The following ANKRD26 variants were observed in gnomAD, a reference collection of about 807,000 sequenced individuals.
ANKRD26 encodes the protein ankyrin repeat domain 26.
In ANKRD26, 141 loss-of-function variants were observed where a neutral mutation model predicts 208.7. The ratio of observed to expected loss-of-function variants is 0.68; its 90% confidence interval spans 0.59 to 0.78. The LOEUF is 0.78. Ranked by LOEUF, ANKRD26 falls within the 30% of genes least tolerant of loss-of-function variation. The probability of loss-of-function intolerance (pLI) is 0.00; values close to 1 mark genes in which losing one functional copy is unlikely to be tolerated. For synonymous variants in ANKRD26, 636 were observed against 660.4 expected (o/e 0.96, Z 0.57); for missense variants, 1,889 against 1,938.7 (o/e 0.97, Z 0.48).
chr10:27,087,836 A>G (rs1206187061), intron 4 of ANKRD26, among the ~76,000 whole-genome samples: 3 of 152,174 alleles, frequency 2.0e-5, no homozygotes, highest in African/African-American at 7.2e-5. Flanking sequence ...GATGGAGTGC[A>G]GTGGCATGGT....
At position 27,022,674 on chromosome 10, in the gene ANKRD26, A is replaced by G; in HGVS notation, c.4099T>C (p.Leu1367=). The G allele has an allele frequency of 6.3e-7, 1 of 1,585,894 alleles. No homozygotes were observed. The highest frequency in any genetic ancestry group is 8.6e-7 in the Non-Finnish European group (1 of 1,160,060). ...EREITGFKNL[L]KMTRKKLNEY... ...TTTAACTTCTTTCTTGTCATTTTTAAGAGGTTCTTAAATCTGCAGGAAGGT... is the reference window on the plus strand; with the variant it reads ...TTTAACTTCTTTCTTGTCATTTTTAGGAGGTTCTTAAATCTGCAGGAAGGT... Residue 1367 remains leucine (L), a synonymous_variant, in exon 29 of 34, where the codon TTA becomes CTA. Coordinates refer to ENST00000376087, the MANE Select transcript of ANKRD26 (RefSeq NM_014915.3).
intron 20 of ANKRD26, 136 bp downstream of exon 20, chr10:27,043,290 C>A: frequency 1.1e-6 from 1 of 941,774 alleles, no homozygotes; most frequent in Non-Finnish European, 1.7e-6. Context: ...AAGAACTCTT[C>A]AGCTTTGCAC....
At chr10:26,978,459 AAAT>A (rs1048177749) in intron 5 of ANKRD26, among the ~76,000 whole-genome samples, 2 of 152,152 alleles carry the variant, frequency 1.3e-5, no homozygotes, top group Non-Finnish European at 2.9e-5. Flanking sequence ...CTATCTCAAA[AAAT>A]AATAATAAAA....
At chr10:26,952,670 T>C in the ANKRD26 span, among the ~76,000 whole-genome samples, 2 of 152,240 alleles carry the variant, frequency 1.3e-5, no homozygotes, top group African/African-American at 4.8e-5. Context: ...GCTGTAGTAT[T>C]GCAAGGCTAA....
chr10:27,066,953 C>T (rs1015413954), intron 10 of ANKRD26, among the ~76,000 whole-genome samples: 8 of 151,756 alleles, frequency 5.3e-5, no homozygotes, highest in Non-Finnish European at 1.0e-4. Context: ...ATTATAGGCA[C>T]GCACCACCAC....
chr10:27,063,265 C>T (rs1274289396), intron 12 of ANKRD26, among the ~76,000 whole-genome samples: 1 of 152,018 alleles, frequency 6.6e-6, no homozygotes, highest in Non-Finnish European at 1.5e-5. Context: ...TTAAACTCTT[C>T]CTACCTTTCT....
At chr10:26,966,554 A>G in the ANKRD26 span, among the ~76,000 whole-genome samples, 9 of 152,206 alleles carry the variant, frequency 5.9e-5, no homozygotes, top group Non-Finnish European at 1.5e-5. Context: ...GCACACGTAT[A>G]CCTATGTAAC....
At chr10:27,030,322 C>T (rs778324613) in intron 25 of ANKRD26, 13 of 919,850 alleles carry the variant, frequency 1.4e-5, no homozygotes, top group Non-Finnish European at 1.7e-5. Context: ...ATTACTTTCT[C>T]TCTGCTTTAC....
downstream of ANKRD26, among the ~76,000 whole-genome samples, chr10:26,971,964 A>G (rs113259809): frequency 5.2e-3 from 790 of 151,974 alleles, 6 homozygotes; most frequent in African/African-American, 0.013. Flanking sequence ...GGCCGGGCGC[A>G]GTGGCTCACG....
chr10:27,010,065 A>G (rs565086012), intron 32 of ANKRD26, among the ~76,000 whole-genome samples: 7 of 151,894 alleles, frequency 4.6e-5, no homozygotes, highest in African/African-American at 1.7e-4. Context: ...CAGAGCCCCT[A>G]CCTGTCCTTT....
At position 27,096,569 on chromosome 10, in the gene ANKRD26, A is replaced by T. The variant is rs181367679; in HGVS notation, c.243-2770T>A. On this transcript the variant is annotated intron_variant, in intron 1 of 33. Coordinates refer to ENST00000376087, the MANE Select transcript of ANKRD26 (RefSeq NM_014915.3). ...ACCTGAGGTCAGGAGTTTGAGACCA[A>T]CTTGGCCAACGTGGTGAAACCCCGT... 1.7e-3 allele frequency among the ~76,000 whole-genome samples: 247 copies of T among 149,482 alleles called. 2 individuals carry two copies. The highest frequency in any genetic ancestry group is 5.8e-3 in the African/African-American group (238 of 40,722).
chr10:27,075,790 A>G (rs1370980754), intron 9 of ANKRD26, among the ~76,000 whole-genome samples: 1 of 152,224 alleles, frequency 6.6e-6, no homozygotes, highest in Non-Finnish European at 1.5e-5. Flanking sequence ...TGAGAACTGC[A>G]GAATATACAT....
chr10:27,064,632 C>A (rs976288766), intron 11 of ANKRD26, among the ~76,000 whole-genome samples: 1 of 152,044 alleles, frequency 6.6e-6, no homozygotes, highest in Admixed American at 6.6e-5. Flanking sequence ...ATAAATAGAA[C>A]ACTGCAGAAG....
the ANKRD26 span, among the ~76,000 whole-genome samples, chr10:26,964,388 G>A: frequency 1.3e-5 from 2 of 152,116 alleles, no homozygotes; most frequent in Non-Finnish European, 2.9e-5. Flanking sequence ...CACATCCATA[G>A]CCACCTACCC....
chr10:26,966,776 A>G, the ANKRD26 span, among the ~76,000 whole-genome samples: 1 of 152,244 alleles, frequency 6.6e-6, no homozygotes, highest in African/African-American at 2.4e-5. Flanking sequence ...TAAACACATA[A>G]GAAATCCTGT....
At chr10:27,037,815 A>G in intron 22 of ANKRD26, 56 bp downstream of exon 22, 1 of 1,342,780 alleles carries the variant, frequency 7.4e-7, no homozygotes, top group Non-Finnish European at 1.0e-6. Flanking sequence ...AAAGGATGTG[A>G]TAATAGTGAT....
At chr10:27,085,502 T>C (rs1485187381) in intron 5 of ANKRD26, among the ~76,000 whole-genome samples, 1 of 152,204 alleles carries the variant, frequency 6.6e-6, no homozygotes. Context: ...TAAGAATAAG[T>C]AACATGACTT....
At position 27,005,068 on chromosome 10, in the gene ANKRD26, AAAAT is replaced by A. The variant is rs2052824201; in HGVS notation, c.*518_*521del. The stretch of plus-strand genomic sequence containing the variant: ...AAGGCTATTTCCAAAAGGTTAATTA[AAAAT>A]AAATAAACAAACAGAAAAGGTGAAT... On this transcript the variant is annotated 3_prime_UTR_variant, in exon 34 of 34. Transcript: ENST00000376087. 8 of 985,066 alleles carry A rather than the reference AAAAT, an allele frequency of 8.1e-6. No homozygotes were observed. The highest frequency in any genetic ancestry group is 5.2e-4 in the Middle Eastern group (1 of 1,912). The allele number at this position is 985,066 out of a possible 1,614,324, so 61.0% of individuals were successfully genotyped here. A position where few individuals can be genotyped will look rare whatever the true frequency, so the allele number is the denominator to read the frequency against.
downstream of ANKRD26, among the ~76,000 whole-genome samples, chr10:26,999,381 T>A (rs1052816819): frequency 6.6e-6 from 1 of 152,198 alleles, no homozygotes; most frequent in Non-Finnish European, 1.5e-5. Flanking sequence ...TCGTTTCCTA[T>A]AGTTAGGGTT....
Sources: allele counts gnomAD v4.1 joint callset (sites outside exome capture counted in the v4.1 genomes callset), GRCh38; gene constraint gnomAD v4.1.1; transcripts MANE v1.5; gene names NCBI Gene and HGNC (gene_info 2026-07-23, HGNC 2026-07-21).